Variants in PRSS23 observed in about 807,000 individuals in gnomAD.
PRSS23 encodes the protein protease, serine 23.
In PRSS23, 25 loss-of-function variants were observed where a neutral mutation model predicts 34.7. The observed-to-expected ratio is 0.72, with a 90% confidence interval of 0.53 to 1.01. PRSS23 has a LOEUF of 1.01. Among genes scored for constraint, PRSS23 ranks in the 50% least tolerant of loss-of-function variants. The pLI is 0.00. For synonymous variants in PRSS23, 176 were observed against 186.6 expected (o/e 0.94, Z 0.46); for missense variants, 445 against 475.6 (o/e 0.94, Z 0.60).
intron 2 of PRSS23, among the ~76,000 whole-genome samples, chr11:86,880,016 G>C (rs1468607692): frequency 6.6e-6 from 1 of 152,128 alleles, no homozygotes; most frequent in African/African-American, 2.4e-5. Context: ...GGAGAAAGGC[G>C]GGGAAAGGAT....
chr11:86,819,317 C>T (rs761580679), intron 1 of PRSS23, among the ~76,000 whole-genome samples: 9 of 152,076 alleles, frequency 5.9e-5, no homozygotes, highest in East Asian at 1.9e-4. Context: ...AACCAAGAAA[C>T]GCAGTGCAAG....
chr11:86,945,248 C>T (rs79579807), intron 2 of PRSS23, among the ~76,000 whole-genome samples: 2,373 of 151,858 alleles, frequency 0.016, 23 homozygotes, highest in Admixed American at 0.023. Flanking sequence ...CCCCCTTTCC[C>T]TTCCCTTTTT....
At chr11:86,839,608 A>G (rs1277946316) in intron 2 of PRSS23, among the ~76,000 whole-genome samples, 1 of 152,032 alleles carries the variant, frequency 6.6e-6, no homozygotes, top group Non-Finnish European at 1.5e-5. Flanking sequence ...AGAACACCAC[A>G]AAGATATTCC....
intron 2 of PRSS23, among the ~76,000 whole-genome samples, chr11:86,870,845 G>C (rs904731525): frequency 1.3e-5 from 2 of 152,028 alleles, no homozygotes; most frequent in African/African-American, 4.8e-5. Context: ...ATTGTCATTT[G>C]GTTTTTATAG....
At chr11:86,913,892 G>C (rs553338275) in intron 2 of PRSS23, among the ~76,000 whole-genome samples, 2 of 151,368 alleles carry the variant, frequency 1.3e-5, no homozygotes, top group Non-Finnish European at 2.9e-5. Flanking sequence ...GCTGGAAACT[G>C]GTTGTGATGA....
chr11:86,944,818 T>A (rs1251155862), intron 2 of PRSS23, among the ~76,000 whole-genome samples: 1 of 152,236 alleles, frequency 6.6e-6, no homozygotes, highest in East Asian at 1.9e-4. Flanking sequence ...GGGTTTGAGA[T>A]AAATGTCCGG....
At chr11:86,838,650 G>T (rs1948424990) in intron 2 of PRSS23, among the ~76,000 whole-genome samples, 1 of 152,186 alleles carries the variant, frequency 6.6e-6, no homozygotes, top group Non-Finnish European at 1.5e-5. Context: ...CGAGCTCCAA[G>T]AACAGACATA....
intron 2 of PRSS23, among the ~76,000 whole-genome samples, chr11:86,879,789 G>A (rs1948759007): frequency 2.8e-5 from 3 of 107,346 alleles, no homozygotes; most frequent in South Asian, 3.4e-4. Flanking sequence ...TCAGCCCCCT[G>A]CCCGGCCAGC....
intron 1 of PRSS23, among the ~76,000 whole-genome samples, chr11:86,822,635 A>T (rs868260150): frequency 2.6e-5 from 4 of 151,844 alleles, no homozygotes; most frequent in Admixed American, 6.6e-5. Flanking sequence ...AAAAAAAAAA[A>T]AAAAATGCAG....
chr11:86,919,258 T>C (rs1010449496), intron 2 of PRSS23, among the ~76,000 whole-genome samples: 3 of 152,232 alleles, frequency 2.0e-5, no homozygotes, highest in African/African-American at 4.8e-5. Flanking sequence ...CCTGTTTTCC[T>C]TGGGAACCAG....
chr11:86,870,319 C>T (rs1438224041), intron 2 of PRSS23, among the ~76,000 whole-genome samples: 1 of 152,026 alleles, frequency 6.6e-6, no homozygotes, highest in Non-Finnish European at 1.5e-5. Flanking sequence ...CCACCTATGT[C>T]AACATCCTGT....
chr11:86,885,415 TAGGACAC>T (rs1169310979), intron 2 of PRSS23, among the ~76,000 whole-genome samples: 3 of 152,242 alleles, frequency 2.0e-5, no homozygotes, highest in African/African-American at 7.2e-5. Flanking sequence ...TTAACTTGGC[TAGGACAC>T]AGTGCCCAGA....
At chr11:86,892,776 T>A (rs1287142502) in intron 2 of PRSS23, among the ~76,000 whole-genome samples, 1 of 152,170 alleles carries the variant, frequency 6.6e-6, no homozygotes, top group Non-Finnish European at 1.5e-5. Flanking sequence ...CTTTGTTAAA[T>A]GCTTCCTGGA....
intron 2 of PRSS23, among the ~76,000 whole-genome samples, chr11:86,940,543 G>A (rs984795140): frequency 5.3e-5 from 8 of 152,010 alleles, no homozygotes; most frequent in South Asian, 2.1e-4. Flanking sequence ...CAGTCCACAC[G>A]GCAGACAGAG....
At chr11:86,879,297 C>G (rs192913621) in intron 2 of PRSS23, among the ~76,000 whole-genome samples, 1 of 144,504 alleles carries the variant, frequency 6.9e-6, no homozygotes, top group Non-Finnish European at 1.5e-5. Context: ...AGGTGAGGAG[C>G]GTCTCTGCCC....
chr11:86,855,853 T>G (rs1049022725), intron 2 of PRSS23, among the ~76,000 whole-genome samples: 1 of 152,222 alleles, frequency 6.6e-6, no homozygotes, highest in African/African-American at 2.4e-5. Context: ...ATATTTGTCA[T>G]TCTGTGCCTG....
intron 2 of PRSS23, among the ~76,000 whole-genome samples, chr11:86,893,747 TAAAG>T (rs1334474673): frequency 6.6e-6 from 1 of 152,168 alleles, no homozygotes; most frequent in African/African-American, 2.4e-5. Flanking sequence ...TTTTTTTAAA[TAAAG>T]GTAAATTATT....
intron 2 of PRSS23, among the ~76,000 whole-genome samples, chr11:86,871,128 A>G (rs959860022): frequency 2.0e-5 from 3 of 152,130 alleles, no homozygotes; most frequent in African/African-American, 7.2e-5. Flanking sequence ...ATGGAGTTTT[A>G]TTTTAGCACG....
At chr11:86,851,004 T>C (rs1948524688) in intron 2 of PRSS23, among the ~76,000 whole-genome samples, 1 of 152,208 alleles carries the variant, frequency 6.6e-6, no homozygotes, top group South Asian at 2.1e-4. Flanking sequence ...CTTTGTACTT[T>C]CACACCAATT....
Sources: gnomAD v4.1 joint callset for allele counts (sites outside exome capture counted in the v4.1 genomes callset) on GRCh38, gnomAD v4.1.1 for gene constraint, MANE v1.5 for transcripts, NCBI Gene and HGNC (gene_info 2026-07-23, HGNC 2026-07-21) for gene names.